Variants in DCC observed in about 807,000 individuals in gnomAD.
DCC encodes DCC netrin 1 receptor.
In DCC, 58 loss-of-function variants were observed where a neutral mutation model predicts 172.5. The observed-to-expected ratio is 0.34, with a 90% CI of 0.27 to 0.42. DCC has a LOEUF of 0.42. DCC is among the 10% of genes least tolerant of loss of function. DCC has a pLI of 1.00. For synonymous variants in DCC, 709 were observed against 644.5 expected (o/e 1.10, Z -1.52); for missense variants, 1,740 against 1,791.0 (o/e 0.97, Z 0.51).
chr18:52,860,721 C>T (rs1004583021), intron 2 of DCC, among the ~76,000 whole-genome samples: 11 of 152,266 alleles, frequency 7.2e-5, no homozygotes, highest in African/African-American at 1.9e-4. Flanking sequence ...CTTTGCTAGC[C>T]GGGCGCTGTG....
At chr18:53,424,003 C>T (rs183498883) in intron 21 of DCC, among the ~76,000 whole-genome samples, 74 of 151,990 alleles carry the variant, frequency 4.9e-4, no homozygotes, top group South Asian at 8.3e-4. Context: ...TTGGGGGAGA[C>T]GAGAAGTTAT....
intron 27 of DCC, among the ~76,000 whole-genome samples, chr18:53,501,185 C>A (rs870508): frequency 0.86 from 130,591 of 152,216 alleles, 56,240 homozygotes; most frequent in Non-Finnish European, 0.88. Flanking sequence ...TTTAATGCAC[C>A]TGCCTATAGG....
intron 13 of DCC, among the ~76,000 whole-genome samples, chr18:53,321,589 A>G (rs902458459): frequency 5.3e-5 from 8 of 152,178 alleles, no homozygotes; most frequent in Non-Finnish European, 8.8e-5. Flanking sequence ...AAAAGCCCTA[A>G]TATTTTCTTC....
intron 7 of DCC, among the ~76,000 whole-genome samples, chr18:53,079,399 C>A (rs1023380034): frequency 2.0e-5 from 3 of 152,002 alleles, no homozygotes; most frequent in African/African-American, 7.2e-5. Flanking sequence ...AAACAGATGA[C>A]CCTTGGGGAA....
At chr18:53,514,020 G>T (rs1305862583) in intron 27 of DCC, among the ~76,000 whole-genome samples, 1 of 151,328 alleles carries the variant, frequency 6.6e-6, no homozygotes, top group South Asian at 2.1e-4. Flanking sequence ...ATTTTTTTCA[G>T]CACCACACCT....
intron 1 of DCC, among the ~76,000 whole-genome samples, chr18:52,541,314 G>A (rs2032440775): frequency 1.3e-5 from 2 of 152,164 alleles, no homozygotes; most frequent in South Asian, 4.2e-4. Context: ...TGAGCTCAGA[G>A]CTGTGAAGAT....
At chr18:53,426,258 T>C (rs564359176) in intron 21 of DCC, among the ~76,000 whole-genome samples, 1 of 145,310 alleles carries the variant, frequency 6.9e-6, no homozygotes, top group African/African-American at 2.5e-5. Flanking sequence ...TATTTATATA[T>C]AAATACATAT....
At chr18:53,082,133 T>G (rs573838306) in intron 7 of DCC, among the ~76,000 whole-genome samples, 1 of 152,174 alleles carries the variant, frequency 6.6e-6, no homozygotes, top group South Asian at 2.1e-4. Flanking sequence ...GCTTTCACTG[T>G]ATTCTTTAAA....
chr18:52,786,140 T>C (rs1189401011), intron 2 of DCC, among the ~76,000 whole-genome samples: 1 of 152,032 alleles, frequency 6.6e-6, no homozygotes, highest in African/African-American at 2.4e-5. Context: ...GATACAGAAT[T>C]TATCTTTGGG....
At chr18:52,841,903 T>A (rs542846048) in intron 2 of DCC, among the ~76,000 whole-genome samples, 1 of 152,190 alleles carries the variant, frequency 6.6e-6, no homozygotes, top group East Asian at 1.9e-4. Context: ...CTTAGTAACA[T>A]GTTAATACTA....
At chr18:52,994,051 A>T (rs937648457) in intron 5 of DCC, among the ~76,000 whole-genome samples, 2 of 152,154 alleles carry the variant, frequency 1.3e-5, no homozygotes, top group African/African-American at 4.8e-5. Context: ...TGTTAACAAA[A>T]AAAGGAATCT....
chr18:53,033,073 T>C (rs181832991), intron 5 of DCC, among the ~76,000 whole-genome samples: 1 of 152,132 alleles, frequency 6.6e-6, no homozygotes, highest in Non-Finnish European at 1.5e-5. Flanking sequence ...CTGTGACAAG[T>C]GACTGAAGAC....
At chr18:53,308,059 G>C (rs1167430472) in intron 13 of DCC, among the ~76,000 whole-genome samples, 1 of 150,276 alleles carries the variant, frequency 6.7e-6, no homozygotes, top group East Asian at 2.0e-4. Flanking sequence ...GTTTATCCTA[G>C]GAAGCAATCA....
Position 52,735,727 on chromosome 18 carries a change from C to T in DCC, c.92-16327C>T, listed in dbSNP as rs547374739. On this transcript the variant is annotated intron_variant, in intron 1 of 28. Transcript: ENST00000442544. ...GGAAGACTCCATCTTTTTATGCTGG[C>T]AGCTGATTAGATGGTGCCCAGCCAG... Among the ~76,000 whole-genome samples, 3 of 152,204 alleles carry T rather than the reference C, an allele frequency of 2.0e-5. No individual in the cohort carries two copies. The South Asian group carries it at 6.2e-4, about 32-fold the overall frequency.
At chr18:52,341,155 A>G (rs906858426) in intron 1 of DCC, among the ~76,000 whole-genome samples, 3 of 150,012 alleles carry the variant, frequency 2.0e-5, no homozygotes, top group Admixed American at 1.3e-4. Context: ...GTTGGTTTGG[A>G]GAGCCGGCGG....
chr18:53,436,626 G>T (rs1911959120), intron 22 of DCC, among the ~76,000 whole-genome samples: 1 of 152,102 alleles, frequency 6.6e-6, no homozygotes. Context: ...GCCAATGGTA[G>T]ACTTAGAAAT....
intron 5 of DCC, among the ~76,000 whole-genome samples, chr18:52,931,066 T>A (rs9953180): frequency 6.6e-6 from 1 of 151,756 alleles, no homozygotes; most frequent in African/African-American, 2.4e-5. Context: ...TAAAGGTCTC[T>A]CATGGACTTT....
intron 5 of DCC, among the ~76,000 whole-genome samples, chr18:52,948,056 A>G (rs1329632350): frequency 6.6e-6 from 1 of 152,230 alleles, no homozygotes; most frequent in Non-Finnish European, 1.5e-5. Flanking sequence ...TTGGCGTTCT[A>G]GCTAAATAAA....
chr18:52,371,710 G>C (rs1282318261), intron 1 of DCC, among the ~76,000 whole-genome samples: 1 of 152,094 alleles, frequency 6.6e-6, no homozygotes, highest in Non-Finnish European at 1.5e-5. Flanking sequence ...AAATAGAATT[G>C]GTTTGGAAAT....
Sources: gnomAD v4.1 joint callset for allele counts (sites outside exome capture counted in the v4.1 genomes callset) on GRCh38, gnomAD v4.1.1 for gene constraint, MANE v1.5 for transcripts, NCBI Gene and HGNC (gene_info 2026-07-23, HGNC 2026-07-21) for gene names.